The following PBX3 variants were observed in gnomAD, a reference collection of about 807,000 sequenced individuals.
The protein encoded by PBX3 is pre-B-cell leukemia transcription factor 3.
A neutral mutation model predicts 48.5 loss-of-function variants in PBX3; 14 were observed. The ratio of observed to expected loss-of-function variants is 0.29; its 90% CI spans 0.19 to 0.45. PBX3 has a LOEUF of 0.45. PBX3 is among the 20% of genes least tolerant of loss of function. The probability of loss-of-function intolerance (pLI) is 1.00; values close to 1 mark genes in which losing one functional copy is unlikely to be tolerated. For missense variants in PBX3, 386 were observed against 546.7 expected, an observed-to-expected ratio of 0.71 and a Z score of 2.93; for synonymous variants, 210 against 200.3, an observed-to-expected ratio of 1.05 and a Z score of -0.41.
intron 2 of PBX3, among the ~76,000 whole-genome samples, chr9:125,845,575 C>T (rs898370552): frequency 2.0e-5 from 3 of 152,036 alleles, no homozygotes; most frequent in African/African-American, 7.2e-5. Flanking sequence ...CTACAAGGGT[C>T]AGCATAGAAT....
chr9:125,925,255 G>C (rs1365705335), intron 3 of PBX3, among the ~76,000 whole-genome samples: 2 of 152,034 alleles, frequency 1.3e-5, no homozygotes, highest in African/African-American at 4.8e-5. Flanking sequence ...GTTTTTCCTA[G>C]CATATTGGTC....
intron 3 of PBX3, among the ~76,000 whole-genome samples, chr9:125,925,121 A>G (rs951827998): frequency 6.6e-6 from 1 of 152,228 alleles, no homozygotes; most frequent in Non-Finnish European, 1.5e-5. Flanking sequence ...AAGATGAATA[A>G]TTGATATTGC....
intron 2 of PBX3, among the ~76,000 whole-genome samples, chr9:125,804,420 A>C (rs1187191182): frequency 1.3e-5 from 2 of 152,152 alleles, no homozygotes; most frequent in Non-Finnish European, 2.9e-5. Context: ...TGTGGCTGCA[A>C]GCATTCTTGT....
intron 2 of PBX3, among the ~76,000 whole-genome samples, chr9:125,760,192 ACTTT>A (rs1836627328): frequency 6.6e-6 from 1 of 152,262 alleles, no homozygotes; most frequent in African/African-American, 2.4e-5. Context: ...CTGAAAGTTT[ACTTT>A]CTATTTTAAA....
At chr9:125,756,739 G>A (rs896646277) in intron 2 of PBX3, among the ~76,000 whole-genome samples, 1 of 152,136 alleles carries the variant, frequency 6.6e-6, no homozygotes, top group African/African-American at 2.4e-5. Flanking sequence ...TGTGAGTTAC[G>A]AATGTGCACA....
chr9:125,756,570 G>C (rs1249834235), intron 2 of PBX3, among the ~76,000 whole-genome samples: 1 of 152,160 alleles, frequency 6.6e-6, no homozygotes, highest in Non-Finnish European at 1.5e-5. Context: ...TTTAGTTCAA[G>C]TGTCTGAATT....
intron 2 of PBX3, among the ~76,000 whole-genome samples, chr9:125,821,678 T>C (rs1838657067): frequency 6.6e-6 from 1 of 152,130 alleles, no homozygotes; most frequent in South Asian, 2.1e-4. Context: ...TTATCACCAA[T>C]TGTTGCTCTG....
At chr9:125,786,533 G>T (rs183576750) in intron 2 of PBX3, among the ~76,000 whole-genome samples, 2 of 152,282 alleles carry the variant, frequency 1.3e-5, no homozygotes, top group Non-Finnish European at 2.9e-5. Flanking sequence ...CAGGAGATTT[G>T]AGCATTAGGT....
intron 2 of PBX3, among the ~76,000 whole-genome samples, chr9:125,817,936 C>G (rs905207857): frequency 1.8e-4 from 28 of 152,186 alleles, no homozygotes. Context: ...GATGCGGTGG[C>G]TCACGCCTGT....
At chr9:125,883,121 G>A in intron 2 of PBX3, among the ~76,000 whole-genome samples, 1 of 152,298 alleles carries the variant, frequency 6.6e-6, no homozygotes, top group South Asian at 2.1e-4. Context: ...TGTTGATGTA[G>A]TTTAAGTCTT....
At chr9:125,763,309 C>A (rs1169178570) in intron 2 of PBX3, among the ~76,000 whole-genome samples, 1 of 152,166 alleles carries the variant, frequency 6.6e-6, no homozygotes, top group African/African-American at 2.4e-5. Flanking sequence ...AGATTACCAT[C>A]TTTTTGTGTG....
chr9:125,773,319 C>T (rs765481675), intron 2 of PBX3, among the ~76,000 whole-genome samples: 23 of 152,118 alleles, frequency 1.5e-4, no homozygotes, highest in South Asian at 1.0e-3. Context: ...TGGCTGACTC[C>T]TATGTATCTT....
At chr9:125,896,441 C>T (rs1160858771) in intron 2 of PBX3, among the ~76,000 whole-genome samples, 1 of 152,066 alleles carries the variant, frequency 6.6e-6, no homozygotes, top group East Asian at 1.9e-4. Flanking sequence ...CATACCTCTA[C>T]ATAAAGTATA....
intron 2 of PBX3, among the ~76,000 whole-genome samples, chr9:125,813,856 A>C (rs2132134556): frequency 6.6e-6 from 1 of 151,284 alleles, no homozygotes; most frequent in Admixed American, 6.6e-5. Context: ...AAAGATCTAG[A>C]GAAATACATA....
At chr9:125,874,945 A>G (rs908064273) in intron 2 of PBX3, among the ~76,000 whole-genome samples, 8 of 152,192 alleles carry the variant, frequency 5.3e-5, no homozygotes, top group Non-Finnish European at 8.8e-5. Flanking sequence ...CCAAAAGTCC[A>G]TTAATTGTTC....
intron 2 of PBX3, among the ~76,000 whole-genome samples, chr9:125,775,054 A>G (rs1837035663): frequency 6.6e-6 from 1 of 152,002 alleles, no homozygotes; most frequent in South Asian, 2.1e-4. Flanking sequence ...TTTAATAGAG[A>G]TGGGGTTTCA....
intron 2 of PBX3, among the ~76,000 whole-genome samples, chr9:125,791,358 A>G (rs1837604419): frequency 7.7e-6 from 1 of 130,004 alleles, no homozygotes; most frequent in Admixed American, 7.6e-5. Context: ...TCTGTCAATC[A>G]TCTGTCATCT....
At chr9:125,772,354 G>A (rs1836961861) in intron 2 of PBX3, among the ~76,000 whole-genome samples, 1 of 152,156 alleles carries the variant, frequency 6.6e-6, no homozygotes, top group Admixed American at 6.5e-5. Context: ...TGGGAACTGG[G>A]TTAGTACTCC....
chr9:125,866,614 C>T (rs1307375638), intron 2 of PBX3, among the ~76,000 whole-genome samples: 9 of 152,122 alleles, frequency 5.9e-5, no homozygotes, highest in Non-Finnish European at 1.2e-4. Flanking sequence ...TGAGAAAGGA[C>T]CAGAGGCCTC....
Sources: gnomAD v4.1 joint callset for allele counts (sites outside exome capture counted in the v4.1 genomes callset) on GRCh38, gnomAD v4.1.1 for gene constraint, MANE v1.5 for transcripts, NCBI Gene and HGNC (gene_info 2026-07-23, HGNC 2026-07-21) for gene names.